BLTP1: variants seen among roughly 807,000 people sequenced by gnomAD.
BLTP1 encodes bridge-like lipid transfer protein family member 1.
the BLTP1 span, chr4:122,274,748 A>G: frequency 1.1e-5 from 4 of 365,948 alleles, no homozygotes; most frequent in Non-Finnish European, 7.6e-6. Flanking sequence ...TGACTAGTTA[A>G]TGTTGTGCTA....
the BLTP1 span, among the ~76,000 whole-genome samples, chr4:122,283,449 C>T: frequency 3.7e-5 from 5 of 135,226 alleles, no homozygotes; most frequent in Non-Finnish European, 8.6e-5. Context: ...ATGTTGCTGC[C>T]TGACTTTTTC....
chr4:122,346,542 A>C, the BLTP1 span: 3 of 1,509,920 alleles, frequency 2.0e-6, no homozygotes, highest in Non-Finnish European at 2.7e-6. Context: ...TCAGCTGTGT[A>C]ATAACCCTGT....
At chr4:122,240,256 C>G in the BLTP1 span, 1 of 1,614,102 alleles carries the variant, frequency 6.2e-7, no homozygotes, top group African/African-American at 1.3e-5. Context: ...AACAAAAGAA[C>G]CTCTAAATCC....
chr4:122,289,274 A>C, the BLTP1 span: 1 of 1,011,148 alleles, frequency 9.9e-7, no homozygotes, highest in Non-Finnish European at 1.4e-6. Context: ...TCTGTGGTAT[A>C]AGTATTGATC....
chr4:122,349,722 A>G, the BLTP1 span: 65 of 1,531,444 alleles, frequency 4.2e-5, no homozygotes, highest in African/African-American at 7.9e-4. The surrounding 1 kb of genome is among the most constrained non-coding windows in gnomAD (Gnocchi z 4.5). Context: ...AGAAAACAGC[A>G]ATTTTTCTTA....
At chr4:122,316,411 A>C in the BLTP1 span, 1 of 477,364 alleles carries the variant, frequency 2.1e-6, no homozygotes, top group African/African-American at 2.0e-5. Flanking sequence ...GCGACTTGTA[A>C]ATCACCTACT....
At chr4:122,226,739 T>C in the BLTP1 span, 8 of 1,613,482 alleles carry the variant, frequency 5.0e-6, no homozygotes, top group Non-Finnish European at 6.8e-6. Context: ...GACAGACATT[T>C]GTTTTTCATG....
the BLTP1 span, among the ~76,000 whole-genome samples, chr4:122,354,283 T>C: frequency 2.0e-3 from 312 of 152,312 alleles, 5 homozygotes; most frequent in East Asian, 0.044. Context: ...TTGAGAAATA[T>C]TTTAGGAAAT....
the BLTP1 span, chr4:122,199,221 A>T: frequency 8.6e-7 from 1 of 1,159,372 alleles, no homozygotes; most frequent in Non-Finnish European, 1.2e-6. Context: ...GCTCCCTGTC[A>T]CTGAGGTGTG....
the BLTP1 span, chr4:122,243,164 C>T: frequency 8.0e-7 from 1 of 1,242,264 alleles, no homozygotes; most frequent in African/African-American, 1.5e-5. Flanking sequence ...TGAGTATGAA[C>T]TTTATATTAA....
At chr4:122,185,766 G>A in the BLTP1 span, among the ~76,000 whole-genome samples, 1 of 151,874 alleles carries the variant, frequency 6.6e-6, no homozygotes, top group African/African-American at 2.4e-5. Context: ...ACTGTTCTTA[G>A]CATAAAAATC....
the BLTP1 span, among the ~76,000 whole-genome samples, chr4:122,165,052 G>A: frequency 2.6e-5 from 4 of 152,202 alleles, no homozygotes; most frequent in East Asian, 5.8e-4. Context: ...GTTTCTTCTA[G>A]TGTAGTTGCA....
At chr4:122,292,691 A>T in the BLTP1 span, 3 of 651,436 alleles carry the variant, frequency 4.6e-6, no homozygotes, top group Admixed American at 6.3e-5. Flanking sequence ...AAGAAAATGG[A>T]AATTGATGAG....
chr4:122,186,105 A>G, the BLTP1 span: 64 of 1,612,248 alleles, frequency 4.0e-5, no homozygotes, highest in Non-Finnish European at 4.9e-5. Context: ...AATCGCTCGG[A>G]TCTTTATGGA....
At chr4:122,152,362 C>CCCCTCCTCCTCCGCCCCCTT in the BLTP1 span, 439 of 985,930 alleles carry the variant, frequency 4.5e-4, no homozygotes, top group Non-Finnish European at 5.2e-4. Context: ...TGGGACCCCT[C>CCCCTCCTCCTCCGCCCCCTT]CCCTCCTCCT....
chr4:122,349,490 A>G, the BLTP1 span: 1 of 1,597,916 alleles, frequency 6.3e-7, no homozygotes, highest in Non-Finnish European at 8.6e-7. The surrounding 1 kb of genome is among the most constrained non-coding windows in gnomAD (Gnocchi z 4.5). Flanking sequence ...CCAGTCACAA[A>G]ATTCAGATTA....
the BLTP1 span, chr4:122,266,807 C>A: frequency 6.2e-7 from 1 of 1,607,550 alleles, no homozygotes; most frequent in South Asian, 1.1e-5. Flanking sequence ...TCTTCTGAGT[C>A]ATACAGGGAT....
At chr4:122,173,126 T>G in the BLTP1 span, 1 of 1,611,846 alleles carries the variant, frequency 6.2e-7, no homozygotes, top group Non-Finnish European at 8.5e-7. Flanking sequence ...CTTAACAGAT[T>G]ATACAAGCAT....
At chr4:122,263,091 T>A in the BLTP1 span, 18 of 1,371,870 alleles carry the variant, frequency 1.3e-5, no homozygotes, top group Non-Finnish European at 1.6e-5. Flanking sequence ...AACTAATCTC[T>A]CATACCTTAT....
Sources: gnomAD v4.1 joint callset for allele counts (sites outside exome capture counted in the v4.1 genomes callset) on GRCh38, gnomAD v4.1.1 for gene constraint, Gnocchi (gnomAD v3.1) non-coding constraint, MANE v1.5 for transcripts, NCBI Gene and HGNC (gene_info 2026-07-23, HGNC 2026-07-21) for gene names.